CNTNAP2: variants seen among roughly 807,000 people sequenced by gnomAD.
CNTNAP2 encodes contactin-associated protein-like 2.
In CNTNAP2, 98 loss-of-function variants were observed where a neutral mutation model predicts 155.2. That is an observed-to-expected ratio of 0.63 (90% CI 0.54 to 0.75). The LOEUF is 0.75. Ranked by LOEUF, CNTNAP2 falls within the 30% of genes least tolerant of loss-of-function variation. The pLI is 0.00. For missense variants in CNTNAP2, 1,727 were observed against 1,688.1 expected, an observed-to-expected ratio of 1.02 and a Z score of -0.40; for synonymous variants, 651 against 631.2, an observed-to-expected ratio of 1.03 and a Z score of -0.47.
At chr7:147,483,993 C>T (rs1016003848) in intron 10 of CNTNAP2, among the ~76,000 whole-genome samples, 5 of 123,692 alleles carry the variant, frequency 4.0e-5, no homozygotes, top group African/African-American at 9.6e-5. Context: ...TTTTCAGGCC[C>T]GGGTGAAATG....
At chr7:148,044,865 G>A (rs368431062) in intron 15 of CNTNAP2, among the ~76,000 whole-genome samples, 50 of 152,112 alleles carry the variant, frequency 3.3e-4, no homozygotes, top group Admixed American at 1.9e-3. Flanking sequence ...TTTTGGTTTC[G>A]CTTTGTTTTT....
chr7:147,060,481 G>A (rs896179575), intron 4 of CNTNAP2, among the ~76,000 whole-genome samples: 2 of 152,168 alleles, frequency 1.3e-5, no homozygotes, highest in African/African-American at 4.8e-5. Flanking sequence ...CCAACACTTT[G>A]GGAGGCAAAC....
At chr7:146,970,240 C>T (rs1432447580) in intron 3 of CNTNAP2, among the ~76,000 whole-genome samples, 2 of 152,092 alleles carry the variant, frequency 1.3e-5, no homozygotes, top group Non-Finnish European at 2.9e-5. Flanking sequence ...AGCTTCTGCA[C>T]AGCAAAAGAA....
chr7:147,840,248 A>G (rs532610234), intron 13 of CNTNAP2, among the ~76,000 whole-genome samples: 1 of 152,310 alleles, frequency 6.6e-6, no homozygotes, highest in East Asian at 1.9e-4. Flanking sequence ...CCTAAAAGCC[A>G]GACTTCCCCA....
intron 3 of CNTNAP2, among the ~76,000 whole-genome samples, chr7:146,856,337 CA>C: frequency 6.6e-6 from 1 of 151,234 alleles, no homozygotes; most frequent in Non-Finnish European, 1.5e-5. Flanking sequence ...TACATACATA[CA>C]TACATAGGCA....
At chr7:148,166,345 AT>A (rs1269828599) in intron 17 of CNTNAP2, among the ~76,000 whole-genome samples, 1 of 152,136 alleles carries the variant, frequency 6.6e-6, no homozygotes, top group Non-Finnish European at 1.5e-5. Flanking sequence ...TGAAATAAAT[AT>A]TTTTTGAATG....
chr7:147,392,141 T>C (rs1280665552), intron 9 of CNTNAP2, among the ~76,000 whole-genome samples: 1 of 152,070 alleles, frequency 6.6e-6, no homozygotes, highest in Non-Finnish European at 1.5e-5. Context: ...AGCAAAGATC[T>C]AATTTTCTCT....
intron 1 of CNTNAP2, among the ~76,000 whole-genome samples, chr7:146,157,396 C>T (rs916741036): frequency 2.0e-5 from 3 of 152,064 alleles, no homozygotes; most frequent in African/African-American, 7.2e-5. Context: ...CTCACTGGGG[C>T]TTGTCAGACG....
intron 4 of CNTNAP2, among the ~76,000 whole-genome samples, chr7:147,044,759 C>G (rs535105611): frequency 3.6e-4 from 55 of 152,174 alleles, no homozygotes; most frequent in African/African-American, 1.3e-3. Context: ...TCCTACTCCT[C>G]TTCCTCTCTC....
At chr7:146,820,504 A>G (rs1803259653) in intron 2 of CNTNAP2, among the ~76,000 whole-genome samples, 1 of 152,072 alleles carries the variant, frequency 6.6e-6, no homozygotes, top group South Asian at 2.1e-4. Flanking sequence ...CCTGAGTTCT[A>G]GTTTGATTGC....
chr7:146,919,483 A>G (rs1011388480), intron 3 of CNTNAP2, among the ~76,000 whole-genome samples: 1 of 152,146 alleles, frequency 6.6e-6, no homozygotes, highest in African/African-American at 2.4e-5. Context: ...CAGTAGAGCT[A>G]CTGGGCTCCA....
At chr7:146,576,638 C>G (rs1798530136) in intron 1 of CNTNAP2, among the ~76,000 whole-genome samples, 1 of 152,156 alleles carries the variant, frequency 6.6e-6, no homozygotes, top group Non-Finnish European at 1.5e-5. Context: ...AAGTGCTGAT[C>G]AAGTTGGTAA....
chr7:147,506,745 C>T (rs1036564501), intron 11 of CNTNAP2, among the ~76,000 whole-genome samples: 15 of 152,236 alleles, frequency 9.9e-5, no homozygotes, highest in African/African-American at 3.6e-4. Context: ...GGGCCACTAA[C>T]ATCTACCCAC....
chr7:148,259,152 T>C (rs1204837778), intron 20 of CNTNAP2, among the ~76,000 whole-genome samples: 21 of 118,944 alleles, frequency 1.8e-4, no homozygotes, highest in African/African-American at 6.9e-4. Context: ...GCACTTCAGC[T>C]TGGGCAACAA....
intron 1 of CNTNAP2, among the ~76,000 whole-genome samples, chr7:146,720,574 A>G (rs181023874): frequency 2.0e-5 from 3 of 152,204 alleles, no homozygotes; most frequent in Non-Finnish European, 4.4e-5. Flanking sequence ...GATAACTGCA[A>G]ATGTTGAATA....
intron 20 of CNTNAP2, among the ~76,000 whole-genome samples, chr7:148,243,598 C>G (rs992767780): frequency 1.3e-5 from 2 of 152,044 alleles, no homozygotes; most frequent in African/African-American, 4.8e-5. Flanking sequence ...GGGAATGCCT[C>G]TTTTTAAACC....
chr7:146,483,281 AAATATATATATATATATATATATAT>A (rs1326516887), intron 1 of CNTNAP2, among the ~76,000 whole-genome samples: 2 of 58,030 alleles, frequency 3.4e-5, no homozygotes, highest in African/African-American at 1.7e-4. Flanking sequence ...GTCTAAAAAA[AAATATATATATATATATATATATAT>A]ATATATATAT....
At chr7:146,630,210 A>G (rs978365398) in intron 1 of CNTNAP2, among the ~76,000 whole-genome samples, 1 of 151,974 alleles carries the variant, frequency 6.6e-6, no homozygotes, top group Non-Finnish European at 1.5e-5. Flanking sequence ...TTCAACTCCC[A>G]CTAATGAGTG....
chr7:147,372,886 T>A (rs533279866), intron 9 of CNTNAP2, among the ~76,000 whole-genome samples: 2 of 152,054 alleles, frequency 1.3e-5, no homozygotes, highest in African/African-American at 2.4e-5. Flanking sequence ...AAGCTCCCTG[T>A]CTATGGGCAC....
Sources: gnomAD v4.1 joint callset for allele counts (sites outside exome capture counted in the v4.1 genomes callset) on GRCh38, gnomAD v4.1.1 for gene constraint, MANE v1.5 for transcripts, NCBI Gene and HGNC (gene_info 2026-07-23, HGNC 2026-07-21) for gene names.